Variants in ASXL3 observed in about 807,000 individuals in gnomAD.
ASXL3 encodes the protein putative Polycomb group protein ASXL3.
ASXL3 carries 34 observed loss-of-function variants against 170.6 expected under a neutral mutation model. The ratio of observed to expected loss-of-function variants is 0.20; its 90% confidence interval spans 0.15 to 0.27. ASXL3 has a LOEUF of 0.27. Among genes scored for constraint, ASXL3 ranks in the 10% least tolerant of loss-of-function variants. ASXL3 has a pLI of 1.00. For synonymous variants in ASXL3, 1,002 were observed against 989.1 expected, an observed-to-expected ratio of 1.01 and a Z score of -0.24; for missense variants, 2,592 against 2,695.3, an observed-to-expected ratio of 0.96 and a Z score of 0.85.
At chr18:33,669,384 A>C (rs1442173921) in intron 5 of ASXL3, among the ~76,000 whole-genome samples, 1 of 152,226 alleles carries the variant, frequency 6.6e-6, no homozygotes, top group Non-Finnish European at 1.5e-5. Flanking sequence ...AAATGTAAGA[A>C]TCAAAGAAAA....
intron 8 of ASXL3, among the ~76,000 whole-genome samples, chr18:33,729,587 A>G (rs2067409453): frequency 6.6e-6 from 1 of 152,152 alleles, no homozygotes; most frequent in Non-Finnish European, 1.5e-5. Context: ...TTAACTCTTT[A>G]AAAAGTAACT....
At chr18:33,661,397 G>T in intron 4 of ASXL3, among the ~76,000 whole-genome samples, 1 of 152,062 alleles carries the variant, frequency 6.6e-6, no homozygotes, top group Admixed American at 6.6e-5. Context: ...CAATTTGCGG[G>T]TTAGGACAGG....
At chr18:33,693,389 A>C (rs1342097859) in intron 8 of ASXL3, among the ~76,000 whole-genome samples, 1 of 152,190 alleles carries the variant, frequency 6.6e-6, no homozygotes, top group African/African-American at 2.4e-5. Flanking sequence ...AATTGACTTA[A>C]ATTGGAGACA....
chr18:33,738,020 T>C (rs560420101), intron 10 of ASXL3, among the ~76,000 whole-genome samples: 147 of 152,192 alleles, frequency 9.7e-4, no homozygotes, highest in African/African-American at 3.3e-3. Flanking sequence ...TATTCCTTTA[T>C]TAACACTTGG....
chr18:33,745,914 T>TCCCC lies in ASXL3; in HGVS notation c.6068_6071dup (p.Pro2026SerfsTer23). 4 of 1,339,462 alleles carry TCCCC rather than the reference T, an allele frequency of 3.0e-6. No homozygotes were observed. Among genetic ancestry groups the TCCCC allele is most frequent in the South Asian group, 1.3e-5 (1 of 79,276 alleles). The allele number at this position is 1,339,462 out of a possible 1,614,324, so 83.0% of individuals were successfully genotyped here. A position where few individuals can be genotyped will look rare whatever the true frequency, so the allele number is the denominator to read the frequency against. On this transcript the variant is annotated frameshift_variant, in exon 12 of 12. Transcript: ENST00000269197. LOFTEE classifies it high-confidence loss of function. ...TAGTACATCCGCCGCCGCCACCGCC[T>TCCCC]CCCCCTCCCCCTCCACCCTTGGCTT...
rs371406243 is a variant in ASXL3, at chr18:33,740,354, G to A, written c.2950G>A (p.Asp984Asn). 5.1e-5 allele frequency: 82 copies of A among 1,611,340 alleles called. No individual in the cohort carries two copies. The highest frequency in any genetic ancestry group is 6.8e-5 in the Non-Finnish European group (80 of 1,178,684). ...ICKEKRARIE[D>N]DQSTRNISSS... ...TAAGGAAAAGAGAGCTAGGATAGAA[G>A]ATGATCAGTCAACCCGGAACATATC... is the stretch of plus-strand genomic sequence containing the variant. The change falls in exon 11 of 12, where the codon GAT becomes AAT. Residue 984 changes from aspartate to asparagine, a missense_variant. By Grantham distance (23) the Asp-to-Asn change is conservative (BLOSUM62 1). Coordinates refer to ENST00000269197, the MANE Select transcript of ASXL3 (RefSeq NM_030632.3).
intron 8 of ASXL3, among the ~76,000 whole-genome samples, chr18:33,721,963 A>G (rs1360531079): frequency 6.6e-6 from 1 of 152,006 alleles, no homozygotes; most frequent in African/African-American, 2.4e-5. Context: ...TTATTAAAAT[A>G]TGATAATGTA....
At chr18:33,657,509 C>T (rs2066102722) in intron 4 of ASXL3, among the ~76,000 whole-genome samples, 1 of 152,082 alleles carries the variant, frequency 6.6e-6, no homozygotes, top group Non-Finnish European at 1.5e-5. Context: ...CCAACCATAT[C>T]CCCTCCCTAG....
intron 2 of ASXL3, among the ~76,000 whole-genome samples, chr18:33,623,585 G>T (rs989751813): frequency 2.0e-5 from 3 of 152,118 alleles, no homozygotes; most frequent in Non-Finnish European, 2.9e-5. Flanking sequence ...GTCACTGTTT[G>T]CTGCCATTGT....
chr18:33,596,152 G>C (rs912608530), intron 1 of ASXL3, among the ~76,000 whole-genome samples: 2 of 152,026 alleles, frequency 1.3e-5, no homozygotes, highest in African/African-American at 4.8e-5. Flanking sequence ...CTAGAAACAG[G>C]GTAGGCAGCG....
chr18:33,719,704 G>A (rs886571079), intron 8 of ASXL3, among the ~76,000 whole-genome samples: 1 of 151,920 alleles, frequency 6.6e-6, no homozygotes, highest in African/African-American at 2.4e-5. Flanking sequence ...CTTCATGAAT[G>A]GGATTAGTTC....
chr18:33,712,988 C>G (rs752441278), intron 8 of ASXL3, among the ~76,000 whole-genome samples: 1 of 151,998 alleles, frequency 6.6e-6, no homozygotes, highest in Non-Finnish European at 1.5e-5. Context: ...CTGGCTCATC[C>G]ACGTTCTAGC....
intron 8 of ASXL3, among the ~76,000 whole-genome samples, chr18:33,689,570 C>T (rs1427841579): frequency 1.3e-5 from 2 of 152,088 alleles, no homozygotes; most frequent in Non-Finnish European, 2.9e-5. Context: ...TGTTATAAAC[C>T]AATTTGAGTT....
chr18:33,664,607 T>A (rs1315141579), intron 5 of ASXL3, among the ~76,000 whole-genome samples: 1 of 152,176 alleles, frequency 6.6e-6, no homozygotes, highest in African/African-American at 2.4e-5. Flanking sequence ...AGCTTTATAA[T>A]CATAAGTGGA....
intron 2 of ASXL3, among the ~76,000 whole-genome samples, chr18:33,632,042 T>C (rs1366549059): frequency 6.6e-6 from 1 of 152,166 alleles, no homozygotes; most frequent in African/African-American, 2.4e-5. Context: ...TTCTCATCTT[T>C]TCTTCAATTT....
In ASXL3 at chr18:33,740,146, T is replaced by A. The variant is rs2067635020; in HGVS notation, c.2742T>A (p.Ala914=). ...AATATATCTCATCAGTGGATAAGGC[T>A]CCATTTTCAGAAGGCTCTAGAAATA... The part of the protein sequence containing the change: ...DKQYISSVDK[A]PFSEGSRNKT... The change falls in exon 11 of 12, where the codon GCT becomes GCA. Residue 914 remains alanine (A), a synonymous_variant. Coordinates refer to ENST00000269197, the MANE Select transcript of ASXL3 (RefSeq NM_030632.3). The A allele has an allele frequency of 2.5e-6, 4 of 1,613,906 alleles. No individual in the cohort carries two copies. In the East Asian group the frequency reaches 8.9e-5, roughly 36 times the overall value.
rs554834298 is a variant in ASXL3, at chr18:33,652,603, C to CAAAAAAAAAAAAAAAAAA, written c.355+6263_355+6264insAAAAAAAAAAAAAAAAAA. Among the ~76,000 whole-genome samples, 145 of 112,232 alleles carry CAAAAAAAAAAAAAAAAAA rather than the reference C, an allele frequency of 1.3e-3. 1 individual carries two copies. The highest frequency in any genetic ancestry group is 1.6e-3 in the East Asian group (5 of 3,112). 73.6% of individuals were successfully genotyped at this position (112,232 alleles called of 152,430 possible). A position where few individuals can be genotyped will look rare whatever the true frequency, so the allele number is the denominator to read the frequency against. On this transcript the variant is annotated intron_variant, in intron 4 of 11. Transcript: ENST00000269197. ...AGTATTTTAAAAGTTTCTGTTGGGG[C>CAAAAAAAAAAAAAAAAAA]AAAAAAAAAAAAAGAACATGAATCT... is the stretch of plus-strand genomic sequence containing the variant.
chr18:33,631,597 T>A (rs1328635912), intron 2 of ASXL3, among the ~76,000 whole-genome samples: 1 of 152,114 alleles, frequency 6.6e-6, no homozygotes, highest in Non-Finnish European at 1.5e-5. Context: ...TGCATTAAGA[T>A]ATTCATAGCA....
intron 8 of ASXL3, among the ~76,000 whole-genome samples, chr18:33,686,974 T>G (rs2066607004): frequency 6.6e-6 from 1 of 152,104 alleles, no homozygotes; most frequent in African/African-American, 2.4e-5. Flanking sequence ...TTGCAGTAGT[T>G]GAGATATGAG....
Sources: gnomAD v4.1 joint callset for allele counts (sites outside exome capture counted in the v4.1 genomes callset) on GRCh38, gnomAD v4.1.1 for gene constraint, MANE v1.5 for transcripts, NCBI Gene and HGNC (gene_info 2026-07-23, HGNC 2026-07-21) for gene names.